Variants in PWWP2A observed in about 807,000 individuals in gnomAD.
PWWP2A encodes the protein PWWP domain-containing protein 2A.
A neutral mutation model predicts 48.5 loss-of-function variants in PWWP2A; 18 were observed. The observed-to-expected ratio is 0.37, with a 90% confidence interval of 0.26 to 0.55. PWWP2A has a LOEUF of 0.55. PWWP2A is among the 20% of genes least tolerant of loss of function. The probability of loss-of-function intolerance (pLI) is 0.81; values close to 1 mark genes in which losing one functional copy is unlikely to be tolerated. For missense variants in PWWP2A, 867 were observed against 976.4 expected (o/e 0.89, Z 1.49); for synonymous variants, 396 against 387.7 (o/e 1.02, Z -0.25).
chr5:160,101,578 C>T (rs1052940520), intron 1 of PWWP2A, among the ~76,000 whole-genome samples: 1 of 151,780 alleles, frequency 6.6e-6, no homozygotes, highest in African/African-American at 2.4e-5. Context: ...GAAAAACTTC[C>T]GGAGATCTGT....
At chr5:160,100,584 T>G (rs1245666547) in intron 1 of PWWP2A, among the ~76,000 whole-genome samples, 1 of 152,188 alleles carries the variant, frequency 6.6e-6, no homozygotes, top group African/African-American at 2.4e-5. Flanking sequence ...CTGGTCAACA[T>G]AGCCAGATGG....
At chr5:160,088,054 G>C (rs191753091), downstream of PWWP2A, among the ~76,000 whole-genome samples, 20 of 152,002 alleles carry the variant, frequency 1.3e-4, no homozygotes, top group African/African-American at 4.6e-4. Context: ...CTGTTCTTTT[G>C]TTGAATGAAG....
At chr5:160,067,695 T>C (rs1361288150) in intron 2 of PWWP2A, among the ~76,000 whole-genome samples, 1 of 152,154 alleles carries the variant, frequency 6.6e-6, no homozygotes. Context: ...TCCCAGTAGG[T>C]GTGAGCTTGC....
At position 160,094,851 on chromosome 5, in the gene PWWP2A, T is replaced by A. The variant is rs570073086; in HGVS notation, c.585-786A>T. On this transcript the variant is annotated intron_variant, in intron 1 of 1. Coordinates refer to ENST00000307063, the MANE Select transcript of PWWP2A (RefSeq NM_001130864.2). ...TCACGAGGTCAGGAGATCGAGACCA[T>A]CCTGGCGAACACGGTGAAACCCCGT... is the stretch of plus-strand genomic sequence containing the variant. Among the ~76,000 whole-genome samples the A allele has an allele frequency of 2.0e-5, 3 of 151,546 alleles. No homozygotes were observed. The South Asian group carries it at 6.3e-4, about 32-fold the overall frequency.
At chr5:160,096,450 A>G (rs754571915) in intron 1 of PWWP2A, among the ~76,000 whole-genome samples, 4 of 152,186 alleles carry the variant, frequency 2.6e-5, no homozygotes, top group Non-Finnish European at 5.9e-5. Flanking sequence ...GACAGGACAA[A>G]AGAGGTGCTT....
chr5:160,045,838 G>A, the PWWP2A span, among the ~76,000 whole-genome samples: 1 of 152,006 alleles, frequency 6.6e-6, no homozygotes, highest in Non-Finnish European at 1.5e-5. Flanking sequence ...TGCCTCCCAG[G>A]TTCAAGCGAC....
chr5:160,112,721 G>A (rs190274667), intron 1 of PWWP2A, among the ~76,000 whole-genome samples: 30 of 151,938 alleles, frequency 2.0e-4, no homozygotes, highest in Middle Eastern at 6.8e-3. Flanking sequence ...ATAAACTGAG[G>A]CGTAAAGTTT....
At chr5:160,072,382 T>C (rs544953690), downstream of PWWP2A, among the ~76,000 whole-genome samples, 2 of 152,012 alleles carry the variant, frequency 1.3e-5, no homozygotes, top group Middle Eastern at 3.4e-3. Context: ...GTTCAAGAGG[T>C]AGGGTGAAAA....
the PWWP2A span, among the ~76,000 whole-genome samples, chr5:160,050,628 T>G: frequency 0.029 from 308 of 10,792 alleles, 1 homozygote; most frequent in African/African-American, 0.076. Flanking sequence ...CAAACAAAAC[T>G]TTTTTTTTTT....
At chr5:160,052,549 A>AAAG in the PWWP2A span, among the ~76,000 whole-genome samples, 1 of 22,992 alleles carries the variant, frequency 4.3e-5, no homozygotes, top group East Asian at 1.5e-3. Flanking sequence ...CTATTTTAGC[A>AAAG]AAAAAAAAAA....
At chr5:160,107,978 G>A (rs1757069838) in intron 1 of PWWP2A, among the ~76,000 whole-genome samples, 2 of 151,846 alleles carry the variant, frequency 1.3e-5, no homozygotes, top group Non-Finnish European at 2.9e-5. Flanking sequence ...TCTGGCCTGG[G>A]CGACAAAAGC....
At chr5:160,055,208 G>A in the PWWP2A span, among the ~76,000 whole-genome samples, 1 of 152,144 alleles carries the variant, frequency 6.6e-6, no homozygotes, top group African/African-American at 2.4e-5. Context: ...TGCTGGCCCA[G>A]CCAAGAAGTC....
intron 1 of PWWP2A, among the ~76,000 whole-genome samples, chr5:160,102,252 C>CA (rs1756392323): frequency 6.7e-6 from 1 of 150,152 alleles, no homozygotes; most frequent in Non-Finnish European, 1.5e-5. Flanking sequence ...ACTAAAAATA[C>CA]AAAAAATTAC....
downstream of PWWP2A, chr5:160,090,112 C>T (rs1186408447): frequency 1.0e-6 from 1 of 985,064 alleles, no homozygotes; most frequent in East Asian, 1.1e-4. Context: ...TATGCTCAAC[C>T]TTTTCCTCAA....
intron 1 of PWWP2A, among the ~76,000 whole-genome samples, chr5:160,107,790 C>A (rs1487860921): frequency 6.6e-6 from 1 of 151,928 alleles, no homozygotes; most frequent in Non-Finnish European, 1.5e-5. Context: ...AGGCCGAGGC[C>A]AGGAGTCCAA....
rs576430076 is a variant in PWWP2A at position 160,100,937 on chromosome 5, G to T, written c.585-6872C>A. 2.6e-5 allele frequency among the ~76,000 whole-genome samples: 4 copies of T among 152,360 alleles called. No homozygotes were observed. In the East Asian group the frequency reaches 7.7e-4, roughly 29 times the overall value. On this transcript the variant is annotated intron_variant, in intron 1 of 1. Transcript: ENST00000307063. ...CAAAGAGATATTAGCCAAAAAGGTGGAAGGTGGAAGCAACCCAAGTGTCTA... is the reference window on the plus strand; with the variant it reads ...CAAAGAGATATTAGCCAAAAAGGTGTAAGGTGGAAGCAACCCAAGTGTCTA...
At chr5:160,087,227 T>A (rs1754707752), downstream of PWWP2A, among the ~76,000 whole-genome samples, 1 of 151,928 alleles carries the variant, frequency 6.6e-6, no homozygotes, top group Admixed American at 6.6e-5. Context: ...AAACATTTTT[T>A]AAAAATTAGC....
chr5:160,101,298 A>T (rs1756258611), intron 1 of PWWP2A, among the ~76,000 whole-genome samples: 1 of 152,126 alleles, frequency 6.6e-6, no homozygotes, highest in South Asian at 2.1e-4. Context: ...TGCAGTGAGA[A>T]GAGATCACGC....
At chr5:160,063,955 A>G (rs748169992) in intron 4 of PWWP2A, among the ~76,000 whole-genome samples, 2 of 147,046 alleles carry the variant, frequency 1.4e-5, no homozygotes, top group Non-Finnish European at 3.0e-5. Context: ...ACCGCTGGCT[A>G]TAGACCATGA....
Sources: gnomAD v4.1 joint callset for allele counts (sites outside exome capture counted in the v4.1 genomes callset) on GRCh38, gnomAD v4.1.1 for gene constraint, MANE v1.5 for transcripts, NCBI Gene and HGNC (gene_info 2026-07-23, HGNC 2026-07-21) for gene names.